OPCML: variants seen among roughly 807,000 people sequenced by gnomAD.
OPCML encodes opioid-binding protein/cell adhesion molecule.
A neutral mutation model predicts 37.8 loss-of-function variants in OPCML; 13 were observed. The observed-to-expected ratio is 0.34, with a 90% CI of 0.22 to 0.55. OPCML has a LOEUF of 0.55. Ranked by LOEUF, OPCML falls within the 20% of genes least tolerant of loss-of-function variation. The pLI is 0.91. For missense variants in OPCML, 341 were observed against 435.6 expected, an observed-to-expected ratio of 0.78 and a Z score of 1.93; for synonymous variants, 176 against 168.8, an observed-to-expected ratio of 1.04 and a Z score of -0.33.
chr11:133,071,550 T>A (rs934143091), intron 1 of OPCML, among the ~76,000 whole-genome samples: 3 of 151,972 alleles, frequency 2.0e-5, no homozygotes, highest in Admixed American at 6.5e-5. Context: ...GGCCCAGGAG[T>A]CAGACACATG....
At chr11:133,222,506 T>C (rs952040037) in intron 1 of OPCML, among the ~76,000 whole-genome samples, 4 of 152,074 alleles carry the variant, frequency 2.6e-5, no homozygotes, top group South Asian at 2.1e-4. Context: ...CCACATCCAC[T>C]CTAGGGACAG....
At chr11:133,527,813 A>G (rs1289845379) in intron 1 of OPCML, among the ~76,000 whole-genome samples, 2 of 152,212 alleles carry the variant, frequency 1.3e-5, no homozygotes, top group Non-Finnish European at 2.9e-5. Context: ...TAAGCCTCAA[A>G]GAGCCACTAA....
At chr11:132,986,062 A>C (rs1946677705) in intron 1 of OPCML, among the ~76,000 whole-genome samples, 1 of 152,184 alleles carries the variant, frequency 6.6e-6, no homozygotes, top group Non-Finnish European at 1.5e-5. Context: ...TTTCTCTAGC[A>C]AACTGTCATT....
intron 1 of OPCML, among the ~76,000 whole-genome samples, chr11:133,167,791 G>A (rs952954133): frequency 6.6e-6 from 1 of 151,978 alleles, no homozygotes; most frequent in African/African-American, 2.4e-5. Flanking sequence ...TCTCCTCTCC[G>A]TGGATTTCTT....
rs1485810540 is a variant in OPCML at position 132,769,657 on chromosome 11, C to A, written c.147-112338G>T. Among the ~76,000 whole-genome samples the A allele has an allele frequency of 2.6e-5, 4 of 152,284 alleles. No homozygotes were observed. The East Asian group carries it at 7.7e-4, about 29-fold the overall frequency. ...ATAACCAAGGAATGTAAATCCTCAG[C>A]ATGTAAAGGCGGGGTGGAAAGAAGC... On this transcript the variant is annotated intron_variant, in intron 2 of 7. Transcript: ENST00000524381.
chr11:133,513,001 C>T (rs1349483508), intron 1 of OPCML, among the ~76,000 whole-genome samples: 1 of 152,178 alleles, frequency 6.6e-6, no homozygotes, highest in Non-Finnish European at 1.5e-5. Flanking sequence ...TGAGCACACT[C>T]TACAATTAAA....
chr11:132,491,639 C>T (rs968149085), intron 4 of OPCML, among the ~76,000 whole-genome samples: 2 of 152,208 alleles, frequency 1.3e-5, no homozygotes, highest in Admixed American at 1.3e-4. Flanking sequence ...AACTATATTA[C>T]ATATTTAATT....
chr11:133,232,931 T>C (rs552445119), intron 1 of OPCML, among the ~76,000 whole-genome samples: 55 of 152,306 alleles, frequency 3.6e-4, no homozygotes, highest in African/African-American at 1.3e-3. Context: ...ATATACTGCC[T>C]TTGTAGTTGG....
chr11:133,424,354 T>C (rs1038592303), intron 1 of OPCML, among the ~76,000 whole-genome samples: 2 of 152,218 alleles, frequency 1.3e-5, no homozygotes, highest in African/African-American at 4.8e-5. Context: ...GTTTATTTTC[T>C]GTTAAGAAGA....
rs375936901 is a variant in OPCML at position 133,532,328 on chromosome 11, G to A, written c.-4C>T. The A allele has an allele frequency of 5.5e-5, 88 of 1,613,000 alleles. No individual in the cohort carries two copies. The highest frequency in any genetic ancestry group is 1.3e-5 in the African/African-American group (1 of 74,894). ...CCCAGTAGGCAGGATGGTACATCTC[G>A]ACGCTGCGGTGCTCTCAGCTGCCGG... On this transcript the variant is annotated 5_prime_UTR_variant, in exon 1 of 8. Transcript: ENST00000524381.
intron 7 of OPCML, among the ~76,000 whole-genome samples, chr11:132,430,700 G>A (rs913010982): frequency 1.3e-5 from 2 of 152,132 alleles, no homozygotes; most frequent in East Asian, 1.9e-4. Flanking sequence ...GATTTGTGTC[G>A]CTGCAATTTC....
chr11:132,515,478 A>C (rs1428583046), intron 4 of OPCML, among the ~76,000 whole-genome samples: 23 of 152,090 alleles, frequency 1.5e-4, no homozygotes, highest in Non-Finnish European at 3.2e-4. Flanking sequence ...AGTCCTTGTT[A>C]TTGTGTGAGT....
intron 1 of OPCML, among the ~76,000 whole-genome samples, chr11:133,342,457 C>G (rs1448511763): frequency 6.6e-6 from 1 of 152,218 alleles, no homozygotes; most frequent in East Asian, 1.9e-4. Context: ...GGGAAAATCA[C>G]TTTCAACTCA....
At chr11:132,472,040 C>A (rs1000665587) in intron 4 of OPCML, among the ~76,000 whole-genome samples, 1 of 152,208 alleles carries the variant, frequency 6.6e-6, no homozygotes, top group Admixed American at 6.5e-5. Context: ...CCTCCCTTTT[C>A]CTGGTGAACA....
chr11:132,744,543 T>C (rs1281720077), intron 2 of OPCML, among the ~76,000 whole-genome samples: 1 of 152,164 alleles, frequency 6.6e-6, no homozygotes. Flanking sequence ...GAGAGCCAAA[T>C]TGAAGGTCTC....
At chr11:133,484,402 G>T (rs1354898824) in intron 1 of OPCML, among the ~76,000 whole-genome samples, 5 of 152,116 alleles carry the variant, frequency 3.3e-5, no homozygotes, top group Non-Finnish European at 5.9e-5. Context: ...CCAGCCAGCA[G>T]TTGGAAATAC....
intron 2 of OPCML, among the ~76,000 whole-genome samples, chr11:132,707,155 A>G (rs955513067): frequency 2.0e-5 from 3 of 152,214 alleles, no homozygotes; most frequent in Non-Finnish European, 4.4e-5. Flanking sequence ...TTGAGGAAGA[A>G]AGGGCTTTGG....
intron 2 of OPCML, among the ~76,000 whole-genome samples, chr11:132,723,955 G>T (rs1157912385): frequency 6.6e-6 from 1 of 152,160 alleles, no homozygotes. Flanking sequence ...GGCCATGTGG[G>T]GTTCTTAAGC....
chr11:132,753,508 A>G (rs1945912147), intron 2 of OPCML, among the ~76,000 whole-genome samples: 1 of 152,226 alleles, frequency 6.6e-6, no homozygotes, highest in African/African-American at 2.4e-5. Flanking sequence ...ACCTACATAC[A>G]TACATATCTG....
Sources: allele counts gnomAD v4.1 joint callset (sites outside exome capture counted in the v4.1 genomes callset), GRCh38; gene constraint gnomAD v4.1.1; transcripts MANE v1.5; gene names NCBI Gene and HGNC (gene_info 2026-07-23, HGNC 2026-07-21).